GTF2IRD2B: variants seen among roughly 807,000 people sequenced by gnomAD.
The protein encoded by GTF2IRD2B is GTF2I repeat domain containing 2B, also known as general transcription factor II-I repeat domain-containing protein 2B.
A neutral mutation model predicts 55.6 loss-of-function variants in GTF2IRD2B; 10 were observed. That is an observed-to-expected ratio of 0.18 (90% CI 0.11 to 0.31). GTF2IRD2B has a LOEUF of 0.31. GTF2IRD2B is among the 10% of genes least tolerant of loss of function. The pLI is 1.00. For synonymous variants in GTF2IRD2B, 107 were observed against 320.5 expected (o/e 0.33, Z 7.12); for missense variants, 206 against 802.7 (o/e 0.26, Z 8.98).
intron 4 of GTF2IRD2B, 71 bp downstream of exon 4, chr7:75,121,081 G>A: frequency 1.6e-6 from 2 of 1,250,958 alleles, no homozygotes; most frequent in Non-Finnish European, 2.2e-6. Flanking sequence ...CTGCCACCCA[G>A]GCTAGAGTGC....
At chr7:75,101,507 G>A (rs1554449535) in intron 1 of GTF2IRD2B, among the ~76,000 whole-genome samples, 1 of 151,258 alleles carries the variant, frequency 6.6e-6, no homozygotes, top group African/African-American at 2.4e-5. Flanking sequence ...CAAGGCTACA[G>A]TGATTGCACC....
At chr7:75,122,794 T>G (rs1315970207) in intron 4 of GTF2IRD2B, among the ~76,000 whole-genome samples, 2 of 148,542 alleles carry the variant, frequency 1.3e-5, no homozygotes, top group Non-Finnish European at 3.0e-5. Flanking sequence ...TCGCCTGTTA[T>G]CCTAGCACTT....
intron 9 of GTF2IRD2B, among the ~76,000 whole-genome samples, chr7:75,134,567 T>C (rs1554453317): frequency 7.5e-6 from 1 of 133,306 alleles, no homozygotes. Flanking sequence ...TTTATGTTTT[T>C]TTTGTTTGTT....
intron 3 of GTF2IRD2B, among the ~76,000 whole-genome samples, chr7:75,114,583 C>T (rs1808079768): frequency 6.6e-6 from 1 of 151,564 alleles, no homozygotes; most frequent in Admixed American, 6.6e-5. Flanking sequence ...GCCCCCACTT[C>T]CCTCTTTCCT....
chr7:75,095,613 C>CA (rs1290863502), intron 1 of GTF2IRD2B, among the ~76,000 whole-genome samples: 1 of 104,730 alleles, frequency 9.5e-6, no homozygotes, highest in Non-Finnish European at 2.1e-5. Context: ...TCTCTTGAGA[C>CA]AGAGTCCTAC....
At chr7:75,099,781 T>TAAATAAAAA (rs1486185057) in intron 1 of GTF2IRD2B, among the ~76,000 whole-genome samples, 2 of 139,562 alleles carry the variant, frequency 1.4e-5, no homozygotes, top group Non-Finnish European at 3.2e-5. Flanking sequence ...AATAAATAAA[T>TAAATAAAAA]AAAACATAAT....
rs1554421372 is a variant in GTF2IRD2B, at chr7:75,104,820, A to G, written c.-5-4140A>G. ...CTGGATGCCGCTTTTGCTACTCTTCATCTTAGCCAAAAAGCGGAGAGGCAA... is the reference window on the plus strand; with the variant it reads ...CTGGATGCCGCTTTTGCTACTCTTCGTCTTAGCCAAAAAGCGGAGAGGCAA... On this transcript the variant is annotated intron_variant, in intron 1 of 15. Transcript: ENST00000472837. Among the ~76,000 whole-genome samples, 4 of 152,388 alleles carry G rather than the reference A, an allele frequency of 2.6e-5. No individual in the cohort carries two copies. In the East Asian group the frequency reaches 7.7e-4, roughly 29 times the overall value.
chr7:75,103,577 C>CA (rs1554449781), intron 1 of GTF2IRD2B, among the ~76,000 whole-genome samples: 1 of 151,236 alleles, frequency 6.6e-6, no homozygotes, highest in Non-Finnish European at 1.5e-5. Context: ...AGGACTGTCC[C>CA]AGGAAGGAAC....
chr7:75,126,838 A>G (rs1808525970), intron 8 of GTF2IRD2B, among the ~76,000 whole-genome samples: 1 of 150,474 alleles, frequency 6.6e-6, no homozygotes, highest in Non-Finnish European at 1.5e-5. Flanking sequence ...CTCTACTAAA[A>G]TACAAAAAAT....
chr7:75,148,239 C>T lies in GTF2IRD2B; in HGVS notation c.1792C>T (p.Arg598Cys), dbSNP rs145696359. Residue 598 changes from arginine (R) to cysteine (C), a missense_variant, in exon 16 of 16, where the codon CGT becomes TGT. By Grantham distance (180) the Arg-to-Cys change is radical. Coordinates refer to ENST00000472837, the MANE Select transcript of GTF2IRD2B (RefSeq NM_001003795.3). ...AAAATCTGGCAACGAGATCTTTTTG[C>T]GTGTTGAGAAGAGCCTGAAAAAGTT... ...GTKSGNEIFL[R>C]VEKSLKKFCI... 186 of 1,613,696 alleles carry T rather than the reference C, an allele frequency of 1.2e-4. No homozygotes were observed. Among genetic ancestry groups the T allele is most frequent in the Non-Finnish European group, 1.4e-4 (166 of 1,179,856 alleles).
At chr7:75,132,281 C>T (rs1285794840) in intron 8 of GTF2IRD2B, among the ~76,000 whole-genome samples, 1 of 129,540 alleles carries the variant, frequency 7.7e-6, no homozygotes, top group Non-Finnish European at 1.6e-5. Flanking sequence ...GTCACTTGAA[C>T]CTGGGAGGTG....
At chr7:75,112,212 G>A (rs2115730421) in intron 2 of GTF2IRD2B, among the ~76,000 whole-genome samples, 185 bp from the exon 3 acceptor site, 1 of 6,106 alleles carries the variant, frequency 1.6e-4, no homozygotes, top group South Asian at 6.8e-3. Flanking sequence ...GGAGCTTGCA[G>A]TGAGCCGAGA....
chr7:75,114,057 T>C (rs1190451652), intron 3 of GTF2IRD2B, among the ~76,000 whole-genome samples: 1 of 149,484 alleles, frequency 6.7e-6, no homozygotes, highest in African/African-American at 2.5e-5. Flanking sequence ...ACAGGAATTA[T>C]ATATATATAT....
intron 1 of GTF2IRD2B, among the ~76,000 whole-genome samples, chr7:75,105,092 G>GC (rs1488008552): frequency 6.6e-6 from 1 of 152,308 alleles, no homozygotes; most frequent in East Asian, 1.9e-4. Flanking sequence ...AGCCACCCGG[G>GC]GGCTGAAATG....
rs1243198200 is a variant in GTF2IRD2B at position 75,122,292 on chromosome 7, A to T, written c.359-844A>T. ...CCCATGTCTTTCCATAGGCATGAAGATGGGAATTTAAAAAAAAAATACGCT... is the reference window on the plus strand; with the variant it reads ...CCCATGTCTTTCCATAGGCATGAAGTTGGGAATTTAAAAAAAAAATACGCT... On this transcript the variant is annotated intron_variant, in intron 4 of 15. Transcript: ENST00000472837. Among the ~76,000 whole-genome samples, 7 of 141,546 alleles carry T rather than the reference A, an allele frequency of 4.9e-5. 1 individual carries two copies. The East Asian group carries it at 1.4e-3, about 28-fold the overall frequency. 92.9% of individuals were successfully genotyped at this position (141,546 alleles called of 152,430 possible). A position where few individuals can be genotyped will look rare whatever the true frequency, so the allele number is the denominator to read the frequency against.
chr7:75,104,315 C>A (rs1231187393), intron 1 of GTF2IRD2B, among the ~76,000 whole-genome samples: 5 of 152,156 alleles, frequency 3.3e-5, no homozygotes, highest in Non-Finnish European at 7.4e-5. Context: ...GGGGGGGTCT[C>A]ACCATGTTGG....
chr7:75,104,825 A>G (rs1237666124), intron 1 of GTF2IRD2B, among the ~76,000 whole-genome samples: 1 of 152,280 alleles, frequency 6.6e-6, no homozygotes, highest in East Asian at 1.9e-4. Context: ...TCTTCATCTT[A>G]GCCAAAAAGC....
rs1471972528 is a variant in GTF2IRD2B, at chr7:75,093,635, G to C, written c.-6+870G>C. 1.6e-4 allele frequency among the ~76,000 whole-genome samples: 25 copies of C among 152,332 alleles called. No homozygotes were observed. The South Asian group carries it at 5.2e-3, about 32-fold the overall frequency. On this transcript the variant is annotated intron_variant, in intron 1 of 15. Transcript: ENST00000472837. ...TGGATTTGCCTATTCTGGACATTTCGTGTGGATAGAATCATCCCAAGAAGT... is the reference window on the plus strand; with the variant it reads ...TGGATTTGCCTATTCTGGACATTTCCTGTGGATAGAATCATCCCAAGAAGT...
chr7:75,115,918 CTTTT>C (rs781957846), intron 3 of GTF2IRD2B, among the ~76,000 whole-genome samples: 3 of 85,466 alleles, frequency 3.5e-5, no homozygotes, highest in African/African-American at 5.9e-5. Context: ...TCTTTTCTTT[CTTTT>C]TTTTTTTTTT....
Sources: allele counts gnomAD v4.1 joint callset (sites outside exome capture counted in the v4.1 genomes callset), GRCh38; gene constraint gnomAD v4.1.1; transcripts MANE v1.5; gene names NCBI Gene and HGNC (gene_info 2026-07-23, HGNC 2026-07-21).